PTPRT: variants seen among roughly 807,000 people sequenced by gnomAD.
The protein encoded by PTPRT is receptor-type tyrosine-protein phosphatase T.
PTPRT carries 56 observed loss-of-function variants against 176.8 expected under a neutral mutation model. The ratio of observed to expected loss-of-function variants is 0.32; its 90% CI spans 0.26 to 0.40. PTPRT has a LOEUF of 0.40. Ranked by LOEUF, PTPRT falls within the 10% of genes least tolerant of loss-of-function variation. PTPRT has a pLI of 1.00. For missense variants in PTPRT, 1,540 were observed against 1,908.2 expected, an observed-to-expected ratio of 0.81 and a Z score of 3.60; for synonymous variants, 783 against 739.0, an observed-to-expected ratio of 1.06 and a Z score of -0.96.
rs1220584701 is a variant in PTPRT at position 42,346,388 on chromosome 20, T to C, written c.1865+4240A>G. On this transcript the variant is annotated intron_variant, in intron 11 of 30. Coordinates refer to ENST00000373187, the MANE Select transcript of PTPRT (RefSeq NM_007050.6). ...ACACATCAGTGTGACAGGTGGGGCG[T>C]GGGGGAAGAAGGCTCGGCATGTTCA... Among the ~76,000 whole-genome samples the C allele has an allele frequency of 2.0e-5, 3 of 152,170 alleles. No homozygotes were observed. The South Asian group carries it at 6.3e-4, about 32-fold the overall frequency.
intron 1 of PTPRT, among the ~76,000 whole-genome samples, chr20:42,921,578 C>T (rs1295989729): frequency 6.6e-6 from 1 of 152,196 alleles, no homozygotes. Context: ...GAGCAAATCC[C>T]TGTCTCTAAA....
chr20:42,717,029 C>A (rs1380170628), intron 6 of PTPRT, among the ~76,000 whole-genome samples: 1 of 149,702 alleles, frequency 6.7e-6, no homozygotes, highest in East Asian at 2.0e-4. Flanking sequence ...CACACCAGGG[C>A]CTGTTGTGGG....
chr20:42,198,623 A>G (rs2146673217), intron 16 of PTPRT, among the ~76,000 whole-genome samples: 1 of 152,302 alleles, frequency 6.6e-6, no homozygotes, highest in South Asian at 2.1e-4. Context: ...TATCTTAACC[A>G]CCCAAATCTT....
intron 1 of PTPRT, among the ~76,000 whole-genome samples, chr20:43,036,388 T>A (rs1406293326): frequency 6.6e-6 from 1 of 152,150 alleles, no homozygotes; most frequent in Non-Finnish European, 1.5e-5. Context: ...TGCACCACTA[T>A]GCCCAGCTTT....
At chr20:42,052,647 A>G in the PTPRT span, among the ~76,000 whole-genome samples, 3 of 152,180 alleles carry the variant, frequency 2.0e-5, no homozygotes, top group African/African-American at 7.2e-5. Context: ...GGTTGAGAAC[A>G]GGAGCTTGGG....
At chr20:42,550,661 CG>C (rs1333940131) in intron 7 of PTPRT, among the ~76,000 whole-genome samples, 4 of 152,074 alleles carry the variant, frequency 2.6e-5, no homozygotes, top group African/African-American at 9.6e-5. Context: ...TATTGCATTG[CG>C]GGGCTAAGCT....
chr20:42,408,015 A>C (rs1600972910), intron 9 of PTPRT, among the ~76,000 whole-genome samples: 1 of 152,300 alleles, frequency 6.6e-6, no homozygotes, highest in Non-Finnish European at 1.5e-5. Flanking sequence ...GTCCTGAACA[A>C]ATTTTTTAAA....
Position 42,985,106 on chromosome 20 carries a change from T to C in PTPRT, c.89-99174A>G, listed in dbSNP as rs555912666. ...TGAAAGAACGGAATGGAAGTTGCAA[T>C]GGGGGTCAGGACTTTGAAGAGCAGG... On this transcript the variant is annotated intron_variant, in intron 1 of 30. Transcript: ENST00000373187. Among the ~76,000 whole-genome samples, 4 of 152,156 alleles carry C rather than the reference T, an allele frequency of 2.6e-5. No homozygotes were observed. In the South Asian group the frequency reaches 6.2e-4, roughly 24 times the overall value.
intron 8 of PTPRT, among the ~76,000 whole-genome samples, chr20:42,453,259 T>G (rs866631247): frequency 6.6e-6 from 1 of 152,106 alleles, no homozygotes; most frequent in African/African-American, 2.4e-5. Flanking sequence ...AAGCAGAGAG[T>G]ATCACTTTTA....
chr20:43,087,707 T>G (rs568534624), intron 1 of PTPRT, among the ~76,000 whole-genome samples: 1 of 152,178 alleles, frequency 6.6e-6, no homozygotes, highest in Admixed American at 6.5e-5. Flanking sequence ...CAATACCTTC[T>G]TCATATATTA....
intron 2 of PTPRT, among the ~76,000 whole-genome samples, chr20:42,883,073 A>G (rs946053235): frequency 5.3e-5 from 8 of 152,242 alleles, no homozygotes; most frequent in Non-Finnish European, 7.3e-5. Flanking sequence ...GGAGACCACA[A>G]CAGGGCTTTG....
intron 21 of PTPRT, chr20:42,116,148 G>A: frequency 2.8e-6 from 2 of 714,314 alleles, no homozygotes; most frequent in Non-Finnish European, 5.2e-6. Context: ...ACAAAAAAAG[G>A]TTTTGTGGTC....
intron 1 of PTPRT, among the ~76,000 whole-genome samples, chr20:42,895,996 G>A (rs952752089): frequency 6.6e-6 from 1 of 152,106 alleles, no homozygotes; most frequent in Non-Finnish European, 1.5e-5. Flanking sequence ...TCCCGTCTCT[G>A]GGAACTGGAG....
chr20:42,341,873 T>C (rs752937897), intron 11 of PTPRT, among the ~76,000 whole-genome samples: 4 of 152,168 alleles, frequency 2.6e-5, no homozygotes, highest in Non-Finnish European at 4.4e-5. Context: ...GACTGCTCCA[T>C]TTAAAATATT....
intron 2 of PTPRT, among the ~76,000 whole-genome samples, chr20:42,803,377 T>C (rs1385632547): frequency 6.6e-6 from 1 of 152,172 alleles, no homozygotes; most frequent in Non-Finnish European, 1.5e-5. Context: ...AACCACTTTT[T>C]TTCCCCAGAC....
intron 9 of PTPRT, among the ~76,000 whole-genome samples, chr20:42,373,220 G>A (rs2058610073): frequency 6.6e-6 from 1 of 152,214 alleles, no homozygotes; most frequent in Non-Finnish European, 1.5e-5. Context: ...GAGAGGGTGA[G>A]TGACTTAGTC....
chr20:42,699,627 T>C (rs1029563239), intron 6 of PTPRT, among the ~76,000 whole-genome samples: 5 of 152,156 alleles, frequency 3.3e-5, no homozygotes, highest in Non-Finnish European at 7.3e-5. Flanking sequence ...GGAAAGACTT[T>C]AGTGTGGGAA....
rs192147417 is a variant in PTPRT, at chr20:42,878,977, C to T, written c.214+6830G>A. 4.6e-3 allele frequency among the ~76,000 whole-genome samples: 696 copies of T among 152,120 alleles called. 2 individuals carry two copies. The highest frequency in any genetic ancestry group is 6.6e-3 in the Non-Finnish European group (452 of 67,994). On this transcript the variant is annotated intron_variant, in intron 2 of 30. Transcript: ENST00000373187. Reference sequence around the variant, plus strand: ...CTGGGAGGCGGAGCTTGCAGTGAGCCGAGATCGTGCTACAGCACTCCAGCC... The same window carrying T: ...CTGGGAGGCGGAGCTTGCAGTGAGCTGAGATCGTGCTACAGCACTCCAGCC...
chr20:42,259,033 C>T (rs911172547), intron 13 of PTPRT, among the ~76,000 whole-genome samples: 1 of 152,216 alleles, frequency 6.6e-6, no homozygotes, highest in Non-Finnish European at 1.5e-5. Flanking sequence ...AAGTTGCCCT[C>T]GTTTTCGGCC....
Sources: allele counts gnomAD v4.1 joint callset (sites outside exome capture counted in the v4.1 genomes callset), GRCh38; gene constraint gnomAD v4.1.1; transcripts MANE v1.5; gene names NCBI Gene and HGNC (gene_info 2026-07-23, HGNC 2026-07-21).